The following TMEM163 variants were observed in gnomAD, a reference collection of about 807,000 sequenced individuals.
TMEM163 encodes transmembrane protein 163.
In TMEM163, 17 loss-of-function variants were observed where a neutral mutation model predicts 29.3. The observed-to-expected ratio is 0.58, with a 90% confidence interval of 0.40 to 0.87. The LOEUF is 0.87. TMEM163 is among the 40% of genes least tolerant of loss of function. The probability of loss-of-function intolerance (pLI) is 0.00; values close to 1 mark genes in which losing one functional copy is unlikely to be tolerated. For synonymous variants in TMEM163, 157 were observed against 160.6 expected (o/e 0.98, Z 0.17); for missense variants, 303 against 381.5 (o/e 0.79, Z 1.71).
At chr2:134,633,962 A>AATACATATAT in intron 2 of TMEM163, among the ~76,000 whole-genome samples, 1 of 97,922 alleles carries the variant, frequency 1.0e-5, no homozygotes, top group Non-Finnish European at 2.0e-5. Flanking sequence ...TCAAAAAAAA[A>AATACATATAT]ATACATATAT....
intron 4 of TMEM163, among the ~76,000 whole-genome samples, chr2:134,510,896 G>A (rs528515293): frequency 6.6e-5 from 10 of 152,254 alleles, no homozygotes; most frequent in South Asian, 4.1e-4. Flanking sequence ...GGAACAGCCC[G>A]TCTAAAGGTT....
chr2:134,558,077 TA>T (rs1283009984), intron 2 of TMEM163, among the ~76,000 whole-genome samples: 1 of 152,208 alleles, frequency 6.6e-6, no homozygotes, highest in Non-Finnish European at 1.5e-5. Context: ...AGATCTGTGA[TA>T]CATATCTGGG....
At chr2:134,598,626 G>A (rs548229870) in intron 2 of TMEM163, among the ~76,000 whole-genome samples, 26 of 152,234 alleles carry the variant, frequency 1.7e-4, no homozygotes, top group Admixed American at 6.5e-4. Context: ...AAAAGAAAGC[G>A]TTGCAGGCTG....
rs372310345 is a variant in TMEM163 at position 134,603,871 on chromosome 2, G to A, written c.323-51780C>T. Among the ~76,000 whole-genome samples the A allele has an allele frequency of 2.0e-5, 3 of 148,558 alleles. No individual in the cohort carries two copies. The South Asian group carries it at 6.7e-4, about 33-fold the overall frequency. ...GGAGGGGAGGGGAGGGAACAGAAGG[G>A]AGGGGAAGGGAGGGGAGGGTATGGA... is the stretch of plus-strand genomic sequence containing the variant. On this transcript the variant is annotated intron_variant, in intron 2 of 7. Transcript: ENST00000281924.
chr2:134,567,150 G>A (rs563981062), intron 2 of TMEM163, among the ~76,000 whole-genome samples: 57 of 152,226 alleles, frequency 3.7e-4, no homozygotes, highest in African/African-American at 1.3e-3. Context: ...ATATCTGCAC[G>A]TATTTCTGAG....
At chr2:134,550,504 G>A in intron 4 of TMEM163, 66 bp downstream of exon 4, 1 of 1,458,666 alleles carries the variant, frequency 6.9e-7, no homozygotes, top group Non-Finnish European at 9.6e-7. Context: ...CTGTGTTGAG[G>A]GCCTCATTCC....
chr2:134,676,087 G>C (rs952336688), intron 2 of TMEM163, among the ~76,000 whole-genome samples: 2 of 152,174 alleles, frequency 1.3e-5, no homozygotes, highest in African/African-American at 4.8e-5. Context: ...AATGGGGCCA[G>C]TGGCATGATG....
intron 2 of TMEM163, among the ~76,000 whole-genome samples, chr2:134,559,580 G>A (rs905822393): frequency 6.6e-6 from 1 of 152,102 alleles, no homozygotes; most frequent in African/African-American, 2.4e-5. Flanking sequence ...GCAAGTGTTT[G>A]TTAGGAAAGC....
At chr2:134,649,353 T>C (rs920492773) in intron 2 of TMEM163, among the ~76,000 whole-genome samples, 1 of 152,210 alleles carries the variant, frequency 6.6e-6, no homozygotes, top group African/African-American at 2.4e-5. Flanking sequence ...CATGTCCTAG[T>C]GCCTATGACT....
intron 2 of TMEM163, among the ~76,000 whole-genome samples, 159 bp from the exon 3 acceptor site, chr2:134,552,250 G>C (rs1220461783): frequency 1.6e-4 from 25 of 152,104 alleles, no homozygotes; most frequent in Admixed American, 1.6e-3. Context: ...TTTTAAAAAT[G>C]AAGAGTGAAC....
At chr2:134,509,346 C>A (rs1034682934) in intron 4 of TMEM163, among the ~76,000 whole-genome samples, 1 of 152,162 alleles carries the variant, frequency 6.6e-6, no homozygotes, top group Non-Finnish European at 1.5e-5. Flanking sequence ...CCAGAGGGGC[C>A]GTTGCCCAAG....
intron 5 of TMEM163, 87 bp downstream of exon 5, chr2:134,502,814 G>T: frequency 8.7e-7 from 1 of 1,146,352 alleles, no homozygotes; most frequent in Non-Finnish European, 1.3e-6. Flanking sequence ...CAACATGCCC[G>T]ACTCCACCCG....
intron 4 of TMEM163, among the ~76,000 whole-genome samples, chr2:134,528,291 G>A (rs1558934634): frequency 6.6e-6 from 1 of 152,152 alleles, no homozygotes; most frequent in South Asian, 2.1e-4. Flanking sequence ...ATTATCAGAT[G>A]GCTTACTTAA....
chr2:134,460,239 A>T lies in TMEM163; in HGVS notation c.668-2066T>A, dbSNP rs562260870. Among the ~76,000 whole-genome samples, 23 of 149,350 alleles carry T rather than the reference A, an allele frequency of 1.5e-4. 1 individual carries two copies. The highest frequency in any genetic ancestry group is 5.4e-4 in the African/African-American group (22 of 40,372). ...CCGTCACGGGCTCAAATCCCACCAG[A>T]CCCCTCACATCCAGCCACACAACCC... On this transcript the variant is annotated intron_variant, in intron 6 of 7. Coordinates refer to ENST00000281924, the MANE Select transcript of TMEM163 (RefSeq NM_030923.5). This position sits in a 1 kb window ranked among gnomAD's most constrained non-coding sequence, Gnocchi z 4.3.
chr2:134,609,838 T>A (rs1443466313), intron 2 of TMEM163, among the ~76,000 whole-genome samples: 1 of 141,432 alleles, frequency 7.1e-6, no homozygotes, highest in East Asian at 2.1e-4. Context: ...TCCCGAGAAC[T>A]GTACTGGTGA....
At chr2:134,552,868 C>T (rs771321020) in intron 2 of TMEM163, among the ~76,000 whole-genome samples, 62 of 151,906 alleles carry the variant, frequency 4.1e-4, no homozygotes, top group Non-Finnish European at 4.9e-4. Context: ...CCATGTTGGC[C>T]AGGCTAGTTT....
At chr2:134,679,321 G>A (rs986857183) in intron 2 of TMEM163, among the ~76,000 whole-genome samples, 2 of 152,246 alleles carry the variant, frequency 1.3e-5, no homozygotes, top group Non-Finnish European at 2.9e-5. Flanking sequence ...GGCCTCATGT[G>A]TTTGTTCCAT....
intron 4 of TMEM163, among the ~76,000 whole-genome samples, chr2:134,521,144 G>A (rs988572184): frequency 5.9e-5 from 9 of 152,158 alleles, no homozygotes; most frequent in East Asian, 3.9e-4. Flanking sequence ...GACTGCAGGC[G>A]CATGCCACCA....
chr2:134,635,657 A>G (rs1683088441), intron 2 of TMEM163, among the ~76,000 whole-genome samples: 1 of 152,154 alleles, frequency 6.6e-6, no homozygotes, highest in Non-Finnish European at 1.5e-5. Context: ...CAAGGAAAAA[A>G]CCAATAAGCC....
Sources: allele counts gnomAD v4.1 joint callset (sites outside exome capture counted in the v4.1 genomes callset), GRCh38; gene constraint gnomAD v4.1.1; non-coding constraint Gnocchi (gnomAD v3.1); transcripts MANE v1.5; gene names NCBI Gene and HGNC (gene_info 2026-07-23, HGNC 2026-07-21).